Variants in ELF4 observed in about 807,000 individuals in gnomAD.
The protein encoded by ELF4 is ETS-related transcription factor Elf-4.
A neutral mutation model predicts 31.7 loss-of-function variants in ELF4; 10 were observed. The observed-to-expected ratio is 0.32, with a 90% CI of 0.19 to 0.54. The LOEUF is 0.54. Among genes scored for constraint, ELF4 ranks in the 20% least tolerant of loss-of-function variants. The pLI, the probability that ELF4 is intolerant of heterozygous loss-of-function variation, is 0.95. For missense variants in ELF4, 418 were observed against 522.0 expected (o/e 0.80, Z 1.94); for synonymous variants, 208 against 226.7 (o/e 0.92, Z 0.74).
chrX:130,073,290 T>C (rs1417774181), intron 4 of ELF4, among the ~76,000 whole-genome samples: 2 of 110,645 alleles, frequency 1.8e-5, no homozygotes, highest in African/African-American at 3.3e-5. Context: ...GGTTTTGCCA[T>C]GTTGGCCAGG....
intron 1 of ELF4, among the ~76,000 whole-genome samples, chrX:130,098,412 G>A (rs183839522): frequency 2.7e-5 from 3 of 111,571 alleles, no homozygotes; most frequent in East Asian, 5.6e-4. Flanking sequence ...GGCACTGCAA[G>A]TCCGGGCAGA....
chrX:130,083,544 G>T (rs145675298), intron 1 of ELF4, among the ~76,000 whole-genome samples: 1 of 111,346 alleles, frequency 9.0e-6, no homozygotes, highest in Non-Finnish European at 1.9e-5. Context: ...AAGGTCACTC[G>T]CTGTAGCCCT....
Position 130,071,034 on chromosome X carries a change from T to C in ELF4, c.809+6A>G. The C allele has an allele frequency of 8.3e-7, 1 of 1,211,530 alleles. No homozygotes were observed. The highest frequency in any genetic ancestry group is 1.1e-6 in the Non-Finnish European group (1 of 895,452). ...AGGGGTTCTGCATCATCCCAACAGC[T>C]CCTACCTTAGTGCCCGCCCCATTGT... On this transcript the variant is annotated splice_donor_region_variant and intron_variant, in intron 7 of 8. Transcript: ENST00000308167.
intron 1 of ELF4, among the ~76,000 whole-genome samples, chrX:130,098,051 T>C (rs1277009210): frequency 8.9e-6 from 1 of 112,145 alleles, no homozygotes; most frequent in African/African-American, 3.2e-5. Context: ...CCAGACAGCC[T>C]GCCCAGGGCC....
At chrX:130,076,000 G>A (rs1304019283) in intron 2 of ELF4, among the ~76,000 whole-genome samples, 1 of 111,370 alleles carries the variant, frequency 9.0e-6, no homozygotes, top group Non-Finnish European at 1.9e-5. Flanking sequence ...GGGCTACAAT[G>A]TCTGGATGTG....
chrX:130,110,587 G>GC (rs1430849497), upstream of ELF4: 4 of 109,451 alleles, frequency 3.7e-5, no homozygotes, highest in East Asian at 3.0e-4. Context: ...TTCCCCGCCC[G>GC]CCTGCCCCCG....
chrX:130,071,180 G>A lies in ELF4; in HGVS notation c.669C>T (p.Asn223=), dbSNP rs1370852389. 1.7e-6 allele frequency: 2 copies of A among 1,211,913 alleles called. No individual in the cohort carries two copies. Among genetic ancestry groups the A allele is most frequent in the South Asian group, 3.5e-5 (2 of 57,008 alleles). Residue 223 remains asparagine, a synonymous_variant, in exon 7 of 9, where the codon AAC becomes AAT. Transcript: ENST00000308167. The part of the protein sequence containing the change: ...EFLLALLQDR[N]TCPKYIKWTQ... ...TCCACTTGATGTACTTGGGACAGGT[G>A]TTTCTGTCTTGCAGAAGAGCCAGGA...
intron 8 of ELF4, 78 bp from the exon 9 acceptor site, chrX:130,067,603 A>G: frequency 1.0e-6 from 1 of 1,000,174 alleles, no homozygotes; most frequent in Non-Finnish European, 1.4e-6. Context: ...CACGAGAGGA[A>G]TGGAGCTGAA....
chrX:130,079,887 C>T (rs372145744), intron 2 of ELF4, among the ~76,000 whole-genome samples: 1 of 112,004 alleles, frequency 8.9e-6, no homozygotes, highest in East Asian at 2.8e-4. Flanking sequence ...TGATGCCTTC[C>T]ACGAGGCTAG....
At chrX:130,100,053 C>A (rs1157815348) in intron 1 of ELF4, among the ~76,000 whole-genome samples, 1 of 111,906 alleles carries the variant, frequency 8.9e-6, no homozygotes, top group Admixed American at 9.5e-5. Context: ...TAGAGTGTTT[C>A]TCAGTGGTTC....
chrX:130,070,418 C>CA (rs1330590498), intron 7 of ELF4, among the ~76,000 whole-genome samples: 3 of 109,677 alleles, frequency 2.7e-5, no homozygotes, highest in Non-Finnish European at 3.8e-5. Flanking sequence ...ACTAAAAATA[C>CA]AAAAAAATTA....
At chrX:130,093,978 T>A (rs757593034) in intron 1 of ELF4, among the ~76,000 whole-genome samples, 177 of 112,039 alleles carry the variant, frequency 1.6e-3, no homozygotes, top group Non-Finnish European at 2.9e-3. Context: ...ACACCTGTAA[T>A]CCCAACACTT....
rs748283446 is a variant in ELF4, at chrX:130,092,441, C to A, written c.-209-10902G>T. Among the ~76,000 whole-genome samples, 5 of 112,626 alleles carry A rather than the reference C, an allele frequency of 4.4e-5. No homozygotes were observed. The East Asian group carries it at 1.4e-3, about 32-fold the overall frequency. On this transcript the variant is annotated intron_variant, in intron 1 of 8. Transcript: ENST00000308167. Reference sequence around the variant, plus strand: ...AGACAGCTGTCTACACAAGGGGACGCCCCAGTGGCAGGTCTACCAGACTGC... The same window carrying A: ...AGACAGCTGTCTACACAAGGGGACGACCCAGTGGCAGGTCTACCAGACTGC...
chrX:130,109,085 C>G (rs1933426606), intron 1 of ELF4, among the ~76,000 whole-genome samples: 1 of 112,714 alleles, frequency 8.9e-6, no homozygotes. Context: ...ATATGTGTTC[C>G]CCGGGCATTT....
chrX:130,085,151 C>T (rs975053139), intron 1 of ELF4, among the ~76,000 whole-genome samples: 1 of 112,158 alleles, frequency 8.9e-6, no homozygotes, highest in Non-Finnish European at 1.9e-5. Context: ...ACAGTCCCCT[C>T]GCAGGGTGGC....
chrX:130,092,382 T>A (rs953169744), intron 1 of ELF4, among the ~76,000 whole-genome samples: 4 of 112,621 alleles, frequency 3.6e-5, no homozygotes, highest in Non-Finnish European at 5.6e-5. Context: ...CCCTGCGTGG[T>A]GAGTGGGGAG....
Position 130,074,170 on chromosome X carries a change from G to A in ELF4, c.248-29C>T. The A allele has an allele frequency of 2.5e-6, 3 of 1,196,009 alleles. No homozygotes were observed. In the African/African-American group the frequency reaches 5.2e-5, roughly 21 times the overall value. On this transcript the variant is annotated intron_variant, in intron 3 of 8. Coordinates refer to ENST00000308167, the MANE Select transcript of ELF4 (RefSeq NM_001421.4). Reference sequence around the variant, plus strand: ...GTCCGGGTTCCATGGTGGGAGGAGAGAAGAAAAGTTCCCTCAGGGCACAAG... The same window carrying A: ...GTCCGGGTTCCATGGTGGGAGGAGAAAAGAAAAGTTCCCTCAGGGCACAAG...
chrX:130,070,787 A>AAAAAAAG (rs1556186609), intron 7 of ELF4, among the ~76,000 whole-genome samples: 2 of 92,728 alleles, frequency 2.2e-5, no homozygotes, highest in Non-Finnish European at 4.1e-5. Flanking sequence ...AAAAAAAAAA[A>AAAAAAAG]AAAGAAAGAA....
chrX:130,071,496 A>G, intron 5 of ELF4, 77 bp from the exon 6 acceptor site: 1 of 1,008,391 alleles, frequency 9.9e-7, no homozygotes, highest in Non-Finnish European at 1.4e-6. Flanking sequence ...GGCTGTGACA[A>G]AGCCAACAAG....
Sources: gnomAD v4.1 joint callset for allele counts (sites outside exome capture counted in the v4.1 genomes callset) on GRCh38, gnomAD v4.1.1 for gene constraint, MANE v1.5 for transcripts, NCBI Gene and HGNC (gene_info 2026-07-23, HGNC 2026-07-21) for gene names.